The following CALB1 variants were observed in gnomAD, a reference collection of about 807,000 sequenced individuals.
CALB1 encodes calbindin 1, also known as calbindin.
Under a neutral mutation model 46.7 loss-of-function variants are expected in CALB1, and 16 were observed. The observed-to-expected ratio is 0.34, with a 90% confidence interval of 0.23 to 0.52. The LOEUF is 0.52. Among genes scored for constraint, CALB1 ranks in the 20% least tolerant of loss-of-function variants. The probability of loss-of-function intolerance (pLI) is 0.95; values close to 1 mark genes in which losing one functional copy is unlikely to be tolerated. For synonymous variants in CALB1, 90 were observed against 112.8 expected (o/e 0.80, Z 1.28); for missense variants, 224 against 300.3 (o/e 0.75, Z 1.88).
Position 90,067,275 on chromosome 8 carries a change from A to G in CALB1, c.373-1300T>C, listed in dbSNP as rs559558463. Reference sequence around the variant, plus strand: ...TAAAATTAGCTTTCTTGAAAGATCCATTAAAAAAGAATGCCAACTTATCTT... The same window carrying G: ...TAAAATTAGCTTTCTTGAAAGATCCGTTAAAAAAGAATGCCAACTTATCTT... On this transcript the variant is annotated intron_variant, in intron 5 of 10. Coordinates refer to ENST00000265431, the MANE Select transcript of CALB1 (RefSeq NM_004929.4). Among the ~76,000 whole-genome samples, 9 of 152,284 alleles carry G rather than the reference A, an allele frequency of 5.9e-5. No homozygotes were observed. The East Asian group carries it at 1.7e-3, about 29-fold the overall frequency.
intron 3 of CALB1, among the ~76,000 whole-genome samples, chr8:90,077,721 C>T (rs1814646063): frequency 6.6e-6 from 1 of 151,958 alleles, no homozygotes. Flanking sequence ...ATAAGTTGCC[C>T]TTAATAGGAA....
At chr8:90,074,118 C>G (rs954566416) in intron 3 of CALB1, among the ~76,000 whole-genome samples, 2 of 151,918 alleles carry the variant, frequency 1.3e-5, no homozygotes, top group African/African-American at 4.8e-5. Flanking sequence ...AAATGTAAAG[C>G]TCTTTCAGTT....
rs911949762 is a variant in CALB1 at position 90,063,456 on chromosome 8, T to C, written c.456A>G (p.Lys152=). The C allele has an allele frequency of 6.2e-7, 1 of 1,610,098 alleles. No individual in the cohort carries two copies. The highest frequency in any genetic ancestry group is 1.3e-5 in the African/African-American group (1 of 74,908). Residue 152 remains lysine (K), a synonymous_variant, in exon 7 of 11, where the codon AAA becomes AAG. Transcript: ENST00000265431. ...TCCCATCATTATTTGAATCAAATAGTTTCAGCTGAAAGACAGAATGCCATT... is the reference window on the plus strand; with the variant it reads ...TCCCATCATTATTTGAATCAAATAGCTTCAGCTGAAAGACAGAATGCCATT... ...KLAEYTDLML[K]LFDSNNDGKL...
intron 2 of CALB1, 148 bp downstream of exon 2, chr8:90,081,878 G>A: frequency 3.5e-6 from 2 of 573,084 alleles, no homozygotes; most frequent in Non-Finnish European, 6.2e-6. Context: ...ATTCGAGTTG[G>A]AAAAGTGTTT....
chr8:90,063,378 C>A (rs767284862), intron 7 of CALB1, 28 bp downstream of exon 7: 1 of 1,596,098 alleles, frequency 6.3e-7, no homozygotes, highest in Non-Finnish European at 8.6e-7. Flanking sequence ...GATCCACTTA[C>A]AATATTTTTC....
intron 5 of CALB1, among the ~76,000 whole-genome samples, chr8:90,068,175 A>G (rs1814434389): frequency 6.6e-6 from 1 of 152,234 alleles, no homozygotes; most frequent in African/African-American, 2.4e-5. Context: ...AAAAGCTTTC[A>G]TGTGCAGAAT....
chr8:90,071,236 G>A (rs1814509737), intron 3 of CALB1, among the ~76,000 whole-genome samples: 1 of 152,072 alleles, frequency 6.6e-6, no homozygotes, highest in Non-Finnish European at 1.5e-5. Context: ...AATATGATAA[G>A]CTGTTTCTAC....
chr8:90,072,062 C>T (rs1254838011), intron 3 of CALB1, among the ~76,000 whole-genome samples: 3 of 152,110 alleles, frequency 2.0e-5, no homozygotes, highest in African/African-American at 7.2e-5. Flanking sequence ...TTATCTTCAT[C>T]ATAATTCTCT....
Position 90,063,335 on chromosome 8 carries a change from AC to A in CALB1, c.507-16del, listed in dbSNP as rs1471172209. On this transcript the variant is annotated splice_polypyrimidine_tract_variant and intron_variant, in intron 7 of 10. Coordinates refer to ENST00000265431, the MANE Select transcript of CALB1 (RefSeq NM_004929.4). ...CTGGTAGTAACCTTTTGAGAGAAAAACATTATATTAATATATTACATTTTTT... is the reference window on the plus strand; with the variant it reads ...CTGGTAGTAACCTTTTGAGAGAAAAAATTATATTAATATATTACATTTTTT... 1.3e-6 allele frequency: 2 copies of A among 1,585,422 alleles called. No individual in the cohort carries two copies. Among genetic ancestry groups the A allele is most frequent in the East Asian group, 4.5e-5 (2 of 44,296 alleles).
chr8:90,077,115 G>A (rs1422010336), intron 3 of CALB1, among the ~76,000 whole-genome samples: 1 of 151,918 alleles, frequency 6.6e-6, no homozygotes, highest in Non-Finnish European at 1.5e-5. Flanking sequence ...TCTCATTTAT[G>A]TTTAATTTAA....
chr8:90,060,730 A>G (rs765447825), intron 9 of CALB1, 30 bp from the exon 10 acceptor site: 16 of 1,482,216 alleles, frequency 1.1e-5, no homozygotes, highest in Non-Finnish European at 1.5e-5. Flanking sequence ...ATAGTATACA[A>G]CCAACTCCAT....
At chr8:90,071,611 A>T (rs146744571) in intron 3 of CALB1, among the ~76,000 whole-genome samples, 119 of 152,296 alleles carry the variant, frequency 7.8e-4, no homozygotes, top group African/African-American at 2.5e-3. Context: ...AAGAAAGAAG[A>T]GGGAACAAAG....
chr8:90,073,319 G>A (rs1253745366), intron 3 of CALB1, among the ~76,000 whole-genome samples: 1 of 152,006 alleles, frequency 6.6e-6, no homozygotes, highest in African/African-American at 2.4e-5. Flanking sequence ...CACCTGTGAG[G>A]CCCCATTGAA....
intron 9 of CALB1, chr8:90,061,359 C>T (rs961050769): frequency 7.9e-5 from 12 of 152,100 alleles, no homozygotes; most frequent in African/African-American, 2.7e-4. Flanking sequence ...TTTTCATAAT[C>T]GTTTTTTCCA....
At chr8:90,069,412 G>A (rs1351531810) in intron 3 of CALB1, among the ~76,000 whole-genome samples, 175 bp from the exon 4 acceptor site, 6 of 152,118 alleles carry the variant, frequency 3.9e-5, no homozygotes, top group African/African-American at 1.2e-4. Flanking sequence ...GAGCGCTGTC[G>A]ATTCTCCAAC....
chr8:90,080,211 G>A (rs1329251625), intron 2 of CALB1, among the ~76,000 whole-genome samples: 1 of 151,702 alleles, frequency 6.6e-6, no homozygotes, highest in African/African-American at 2.4e-5. Flanking sequence ...TCTAATAATT[G>A]GAGCTTTGAA....
At chr8:90,065,035 A>C (rs1814367162) in intron 6 of CALB1, among the ~76,000 whole-genome samples, 1 of 151,814 alleles carries the variant, frequency 6.6e-6, no homozygotes, top group Non-Finnish European at 1.5e-5. Flanking sequence ...TATAGTATAG[A>C]GCCATGTTTA....
At chr8:90,081,135 T>G (rs1402296399) in intron 2 of CALB1, among the ~76,000 whole-genome samples, 2 of 152,206 alleles carry the variant, frequency 1.3e-5, no homozygotes, top group Non-Finnish European at 2.9e-5. Context: ...ACATATTTTC[T>G]TAACAGGTTA....
intron 1 of CALB1, 80 bp downstream of exon 1, chr8:90,082,539 C>T: frequency 1.8e-6 from 2 of 1,100,248 alleles, no homozygotes; most frequent in Non-Finnish European, 2.8e-6. Context: ...ATAATGGGAT[C>T]AGGAGGCTCA....
Sources: allele counts gnomAD v4.1 joint callset (sites outside exome capture counted in the v4.1 genomes callset), GRCh38; gene constraint gnomAD v4.1.1; transcripts MANE v1.5; gene names NCBI Gene and HGNC (gene_info 2026-07-23, HGNC 2026-07-21).